NFASC: variants seen among roughly 807,000 people sequenced by gnomAD.
NFASC encodes neurofascin.
Under a neutral mutation model 147.5 loss-of-function variants are expected in NFASC, and 43 were observed. The observed-to-expected ratio is 0.29, with a 90% confidence interval of 0.23 to 0.38. NFASC has a LOEUF of 0.38. Among genes scored for constraint, NFASC ranks in the 10% least tolerant of loss-of-function variants. NFASC has a pLI of 1.00. For synonymous variants in NFASC, 622 were observed against 665.5 expected (o/e 0.93, Z 1.01); for missense variants, 1,320 against 1,689.0 (o/e 0.78, Z 3.83).
intron 8 of NFASC, among the ~76,000 whole-genome samples, chr1:204,965,623 G>A (rs1447674523): frequency 6.6e-6 from 1 of 152,168 alleles, no homozygotes; most frequent in African/African-American, 2.4e-5. Context: ...GGAGAGGTGG[G>A]ATCTTAGCTG....
chr1:204,870,863 A>G, intron 1 of NFASC: 1 of 1,184,214 alleles, frequency 8.4e-7, no homozygotes. Flanking sequence ...AATTATTTTG[A>G]TTCCACCCAG....
chr1:204,851,950 C>A (rs1315819697), intron 1 of NFASC, among the ~76,000 whole-genome samples: 1 of 152,160 alleles, frequency 6.6e-6, no homozygotes, highest in East Asian at 1.9e-4. Context: ...GGTACAGGGT[C>A]TGAAAATCAT....
chr1:204,842,834 A>C (rs557753986), intron 1 of NFASC, among the ~76,000 whole-genome samples: 3 of 152,184 alleles, frequency 2.0e-5, no homozygotes, highest in Non-Finnish European at 4.4e-5. Context: ...TTCCTCCTCC[A>C]TCTGGCTGCC....
At chr1:204,872,595 T>TG (rs1000929414) in intron 1 of NFASC, among the ~76,000 whole-genome samples, 6 of 152,142 alleles carry the variant, frequency 3.9e-5, no homozygotes, top group Non-Finnish European at 8.8e-5. Flanking sequence ...CCAAGCTTTT[T>TG]GGGGGCTCCT....
rs779665781 is a variant in NFASC at position 204,986,146 on chromosome 1, G to C, written c.2471-1272G>C. 2.2e-5 allele frequency: 33 copies of C among 1,522,840 alleles called. 2 individuals carry two copies. In the South Asian group the frequency reaches 3.7e-4, roughly 17 times the overall value. The allele number at this position is 1,522,840 out of a possible 1,614,324, so 94.3% of individuals were successfully genotyped here. On this transcript the variant is annotated intron_variant, in intron 21 of 29. Transcript: ENST00000339876. This position sits in a 1 kb window ranked among gnomAD's most constrained non-coding sequence, Gnocchi z 4.2. ...CTGGCCTGCAGCTCTTCAGGGTGGG[G>C]CAGGAGAAGGGTGGCACACACCTTG...
At chr1:204,846,442 G>T (rs1677057094) in intron 1 of NFASC, among the ~76,000 whole-genome samples, 1 of 152,040 alleles carries the variant, frequency 6.6e-6, no homozygotes, top group Non-Finnish European at 1.5e-5. Flanking sequence ...GAGCTTGGTG[G>T]CCATTTGGGA....
At chr1:204,967,884 G>A in intron 8 of NFASC, 1 of 190,232 alleles carries the variant, frequency 5.3e-6, no homozygotes, top group Non-Finnish European at 1.1e-5. Flanking sequence ...GAGATGGCCT[G>A]CCCTGGGGGC....
intron 1 of NFASC, among the ~76,000 whole-genome samples, chr1:204,877,755 C>T (rs191590834): frequency 7.2e-5 from 11 of 152,232 alleles, no homozygotes; most frequent in South Asian, 6.2e-4. Flanking sequence ...TTGTGAGTAA[C>T]GCTGTCATAA....
chr1:204,929,033 T>A (rs1278596987), intron 2 of NFASC, among the ~76,000 whole-genome samples: 2 of 152,194 alleles, frequency 1.3e-5, no homozygotes, highest in African/African-American at 2.4e-5. Flanking sequence ...TTTCAACCTA[T>A]AGATTAGTTC....
intron 21 of NFASC, chr1:204,985,848 C>A: frequency 1.9e-6 from 2 of 1,072,362 alleles, no homozygotes; most frequent in Non-Finnish European, 2.8e-6. Context: ...ACTACCACCA[C>A]CACTAACAAC....
In NFASC at chr1:204,975,884, C is replaced by T. The variant is rs547422604; in HGVS notation, c.1706+466C>T. Among the ~76,000 whole-genome samples the T allele has an allele frequency of 6.6e-6, 1 of 152,158 alleles. No individual in the cohort carries two copies. Among genetic ancestry groups the T allele is most frequent in the African/African-American group, 2.4e-5 (1 of 41,446 alleles). ...TGAACCTGGCATGCTTTTACCACAC[C>T]CACGCCTGCCCCGCTCCTCAGACCC... On this transcript the variant is annotated intron_variant, in intron 15 of 29. Transcript: ENST00000339876. This position sits in a 1 kb window ranked among gnomAD's most constrained non-coding sequence, Gnocchi z 4.0.
chr1:204,873,935 T>G (rs1004848555), intron 1 of NFASC, among the ~76,000 whole-genome samples: 7 of 152,048 alleles, frequency 4.6e-5, no homozygotes, highest in Non-Finnish European at 8.8e-5. Flanking sequence ...CATGGCACAG[T>G]GGGTGGACAG....
chr1:204,982,479 G>A (rs1018823553), intron 21 of NFASC, among the ~76,000 whole-genome samples: 8 of 152,186 alleles, frequency 5.3e-5, no homozygotes, highest in South Asian at 2.1e-4. Flanking sequence ...AGGTTCCCCC[G>A]GGGAAGCCTT....
chr1:204,935,359 T>G (rs756128650), intron 2 of NFASC, among the ~76,000 whole-genome samples: 2 of 152,176 alleles, frequency 1.3e-5, no homozygotes, highest in Non-Finnish European at 2.9e-5. Context: ...CACCTGCATT[T>G]GACAGAGACT....
chr1:204,860,210 A>G (rs1033671830), intron 1 of NFASC, among the ~76,000 whole-genome samples: 1 of 152,220 alleles, frequency 6.6e-6, no homozygotes, highest in African/African-American at 2.4e-5. Context: ...GATTAGAGTC[A>G]CCAAGAAAAC....
intron 12 of NFASC, 25 bp downstream of exon 12, chr1:204,973,444 T>C: frequency 6.2e-7 from 1 of 1,613,474 alleles, no homozygotes; most frequent in Admixed American, 1.7e-5. Flanking sequence ...CGCAGCCTGT[T>C]TCCCCCTCCT....
intron 29 of NFASC, among the ~76,000 whole-genome samples, chr1:205,013,767 C>G (rs770562845): frequency 6.6e-6 from 1 of 152,062 alleles, no homozygotes; most frequent in Non-Finnish European, 1.5e-5. Flanking sequence ...TCATGCCACC[C>G]AGTTACTGCC....
chr1:205,016,484 G>A lies in NFASC; in HGVS notation c.3668G>A (p.Gly1223Asp). 2 of 1,614,154 alleles carry A rather than the reference G, an allele frequency of 1.2e-6. No individual in the cohort carries two copies. Among genetic ancestry groups the A allele is most frequent in the East Asian group, 2.2e-5 (1 of 44,884 alleles). ...AAAAAGGACAAGGAGGAAACAGAGG[G>A]CAACGAAAGCTCAGAGGCCACGTCA... is the stretch of plus-strand genomic sequence containing the variant. Reference protein sequence around the residue: ...TVKKDKEETEGNESSEATSPV... With the variant: ...TVKKDKEETEDNESSEATSPV... The change falls in exon 30 of 30, where the codon GGC becomes GAC. Residue 1223 changes from glycine to aspartate, a missense_variant. Physicochemically the swap from Gly to Asp is moderately conservative, Grantham distance 94. This residue lies in a region of NFASC where 167 missense variants were observed against 233.8 expected (regional missense o/e 0.71). Coordinates refer to ENST00000339876, the MANE Select transcript of NFASC (RefSeq NM_001005388.3). The surrounding 1 kb of genome is among the most constrained non-coding windows in gnomAD (Gnocchi z 5.1).
chr1:205,009,657 C>T lies in NFASC; in HGVS notation c.3390C>T (p.Phe1130=), dbSNP rs1351696896. The T allele has an allele frequency of 1.2e-6, 2 of 1,614,162 alleles. No individual in the cohort carries two copies. The highest frequency in any genetic ancestry group is 8.5e-7 in the Non-Finnish European group (1 of 1,180,040). Residue 1130 remains phenylalanine, a synonymous_variant, in exon 28 of 30, where the codon TTC becomes TTT. Coordinates refer to ENST00000339876, the MANE Select transcript of NFASC (RefSeq NM_001005388.3). Reference sequence around the variant, plus strand: ...TGCTGATCCTGCTCATCGTCTGTTTCATCAAGAGGAGTCGCGGCGGCAAGT... The same window carrying T: ...TGCTGATCCTGCTCATCGTCTGTTTTATCAAGAGGAGTCGCGGCGGCAAGT... The part of the protein sequence containing the change: ...LLVLILLIVC[F]IKRSRGGKYP...
Sources: allele counts gnomAD v4.1 joint callset (sites outside exome capture counted in the v4.1 genomes callset), GRCh38; gene constraint gnomAD v4.1.1; regional missense constraint gnomAD v4.1.1; non-coding constraint Gnocchi (gnomAD v3.1); transcripts MANE v1.5; gene names NCBI Gene and HGNC (gene_info 2026-07-23, HGNC 2026-07-21).